Variants in CLDN16 observed in about 807,000 individuals in gnomAD.
The protein encoded by CLDN16 is claudin 16.
In CLDN16, 13 loss-of-function variants were observed where a neutral mutation model predicts 24.6. The observed-to-expected ratio is 0.53, with a 90% CI of 0.34 to 0.84. The LOEUF is 0.84. CLDN16 is among the 40% of genes least tolerant of loss of function. The pLI is 0.01. For synonymous variants in CLDN16, 116 were observed against 106.7 expected, an observed-to-expected ratio of 1.09 and a Z score of -0.54; for missense variants, 298 against 292.7, an observed-to-expected ratio of 1.02 and a Z score of -0.13.
the CLDN16 span, among the ~76,000 whole-genome samples, chr3:190,304,809 G>T: frequency 1.3e-5 from 2 of 152,140 alleles, no homozygotes; most frequent in Admixed American, 1.3e-4. Context: ...AAAAAGGTGG[G>T]AATATGGGGA....
the CLDN16 span, chr3:190,308,577 T>C: frequency 1.2e-6 from 1 of 837,336 alleles, no homozygotes. Context: ...GGAAGTACTT[T>C]AAGATTTCTG....
chr3:190,409,517 C>G (rs542086862), intron 4 of CLDN16, among the ~76,000 whole-genome samples: 1 of 151,824 alleles, frequency 6.6e-6, no homozygotes, highest in Non-Finnish European at 1.5e-5. Context: ...ATTATACATG[C>G]ATATATATCT....
chr3:190,343,713 A>G (rs1038057182), intron 1 of CLDN16, among the ~76,000 whole-genome samples: 3 of 152,158 alleles, frequency 2.0e-5, no homozygotes, highest in African/African-American at 7.2e-5. Context: ...AGAAAGAAAA[A>G]TATCACATGA....
chr3:190,367,472 C>T (rs4264713), intron 1 of CLDN16, among the ~76,000 whole-genome samples: 132,232 of 151,860 alleles, frequency 0.87, 57,638 homozygotes, highest in East Asian at 0.94. Context: ...ATTTCTTCAG[C>T]GGGAAAATTC....
At chr3:190,368,433 T>C (rs985924670) in intron 1 of CLDN16, among the ~76,000 whole-genome samples, 3 of 151,974 alleles carry the variant, frequency 2.0e-5, no homozygotes, top group African/African-American at 7.2e-5. Flanking sequence ...ACCACACAAC[T>C]AACATGATCC....
At chr3:190,334,836 TTC>T (rs1717261130) in intron 1 of CLDN16, among the ~76,000 whole-genome samples, 1 of 152,168 alleles carries the variant, frequency 6.6e-6, no homozygotes, top group Non-Finnish European at 1.5e-5. Context: ...AGCTTTCCTC[TTC>T]ACCAGTGGCT....
At chr3:190,316,267 T>C in the CLDN16 span, among the ~76,000 whole-genome samples, 1 of 152,348 alleles carries the variant, frequency 6.6e-6, no homozygotes, top group African/African-American at 2.4e-5. Context: ...ATATTTTCAC[T>C]TACATCCTGG....
chr3:190,303,836 A>G, the CLDN16 span, among the ~76,000 whole-genome samples: 2 of 152,342 alleles, frequency 1.3e-5, no homozygotes, highest in South Asian at 4.1e-4. Flanking sequence ...CCAAAGAAAC[A>G]TGACAAAAGC....
intron 1 of CLDN16, among the ~76,000 whole-genome samples, chr3:190,395,235 A>G (rs945301702): frequency 3.3e-5 from 5 of 152,094 alleles, no homozygotes; most frequent in Non-Finnish European, 7.4e-5. Context: ...GGCATTACCC[A>G]TTTCTTATGA....
At chr3:190,371,573 C>A (rs867559565) in intron 2 of CLDN16, among the ~76,000 whole-genome samples, 1 of 151,910 alleles carries the variant, frequency 6.6e-6, no homozygotes, top group Admixed American at 6.6e-5. Context: ...ATTACATTCC[C>A]AGCCTGTTCC....
At chr3:190,329,590 G>A (rs1034315343) in intron 1 of CLDN16, among the ~76,000 whole-genome samples, 4 of 152,102 alleles carry the variant, frequency 2.6e-5, no homozygotes, top group Admixed American at 2.0e-4. Context: ...TGGCTGTATT[G>A]TCTTAGGAGG....
the CLDN16 span, among the ~76,000 whole-genome samples, chr3:190,316,633 G>A: frequency 2.0e-5 from 3 of 152,166 alleles, no homozygotes; most frequent in African/African-American, 4.8e-5. Context: ...GATTTGTAAA[G>A]TATGTAATCA....
chr3:190,312,675 G>A, the CLDN16 span, among the ~76,000 whole-genome samples: 1 of 152,176 alleles, frequency 6.6e-6, no homozygotes, highest in Admixed American at 6.5e-5. Flanking sequence ...TCAACCAATA[G>A]ACCTGTCAGA....
In CLDN16 at chr3:190,361,488, C is replaced by T. The variant is rs187301331; in HGVS notation, n.122-9405C>T. Among the ~76,000 whole-genome samples the T allele has an allele frequency of 3.0e-4, 46 of 152,072 alleles. 1 individual carries two copies. In the East Asian group the frequency reaches 8.6e-3, roughly 28 times the overall value. On this transcript the variant is annotated intron_variant and non_coding_transcript_variant, in intron 1 of 4. Coordinates refer to the CLDN16 transcript ENST00000468220. ...AATAGCCCTTCCCTGAAAAGACTCCCTTCTTGACTTGGCACCAGTCGGCCT... is the reference window on the plus strand; with the variant it reads ...AATAGCCCTTCCCTGAAAAGACTCCTTTCTTGACTTGGCACCAGTCGGCCT...
At chr3:190,345,638 G>T (rs983945971) in intron 1 of CLDN16, among the ~76,000 whole-genome samples, 1 of 152,156 alleles carries the variant, frequency 6.6e-6, no homozygotes, top group African/African-American at 2.4e-5. Context: ...TGAGGAAAAG[G>T]AATTCTGGTT....
At chr3:190,348,939 A>C (rs1297783452) in intron 1 of CLDN16, among the ~76,000 whole-genome samples, 1 of 152,118 alleles carries the variant, frequency 6.6e-6, no homozygotes, top group Admixed American at 6.5e-5. Flanking sequence ...TTTCTGTGTT[A>C]GTTTGCTAAA....
chr3:190,393,747 CTTTTTT>C (rs58465741), intron 1 of CLDN16, among the ~76,000 whole-genome samples: 2 of 115,230 alleles, frequency 1.7e-5, no homozygotes, highest in South Asian at 6.0e-4. Context: ...TGTCATTTGC[CTTTTTT>C]TTTTTTTTTT....
chr3:190,308,279 A>T, the CLDN16 span: 1 of 1,613,600 alleles, frequency 6.2e-7, no homozygotes, highest in Non-Finnish European at 8.5e-7. Context: ...CCTCTGTGTC[A>T]CACGTAGTCT....
At chr3:190,318,849 A>G (rs1261496881), upstream of CLDN16, among the ~76,000 whole-genome samples, 1 of 152,170 alleles carries the variant, frequency 6.6e-6, no homozygotes, top group Non-Finnish European at 1.5e-5. Flanking sequence ...GCCTGACATC[A>G]TGGTGAGAGT....
Sources: gnomAD v4.1 joint callset for allele counts (sites outside exome capture counted in the v4.1 genomes callset) on GRCh38, gnomAD v4.1.1 for gene constraint, MANE v1.5 for transcripts, NCBI Gene and HGNC (gene_info 2026-07-23, HGNC 2026-07-21) for gene names.